Variants in MINDY4B observed in about 807,000 individuals in gnomAD.
The protein encoded by MINDY4B is MINDY family member 4B.
MINDY4B carries 25 observed loss-of-function variants against 16.7 expected under a neutral mutation model. The observed-to-expected ratio is 1.49, with a 90% CI of 1.09 to 2.09. The LOEUF is 2.09. MINDY4B is among the 30% of genes most tolerant of loss of function. The probability of loss-of-function intolerance (pLI) is 0.00; values close to 1 mark genes in which losing one functional copy is unlikely to be tolerated. For synonymous variants in MINDY4B, 132 were observed against 61.9 expected, an observed-to-expected ratio of 2.13 and a Z score of -5.32; for missense variants, 327 against 168.4, an observed-to-expected ratio of 1.94 and a Z score of -5.21.
At chr3:150,887,924 T>C (rs1233598054) in intron 7 of MINDY4B, among the ~76,000 whole-genome samples, 15 of 152,004 alleles carry the variant, frequency 9.9e-5, no homozygotes, top group African/African-American at 3.1e-4. Flanking sequence ...CTGGCTGACA[T>C]GGTGAAACCC....
At chr3:150,871,824 G>A (rs536459064) in intron 11 of MINDY4B, among the ~76,000 whole-genome samples, 52 of 152,224 alleles carry the variant, frequency 3.4e-4, no homozygotes, top group Admixed American at 1.6e-3. Context: ...CAGCCTGGGC[G>A]ACAGAGTGAG....
chr3:150,901,055 A>G (rs1712103182), intron 3 of MINDY4B: 2 of 152,258 alleles, frequency 1.3e-5, no homozygotes, highest in East Asian at 1.9e-4. Context: ...ACAGGCAAGT[A>G]TCAATATAGA....
rs115479650 is a variant in MINDY4B, at chr3:150,897,186, C to T, written c.310-2881G>A. On this transcript the variant is annotated intron_variant, in intron 3 of 11. Coordinates refer to ENST00000465419, the MANE Select transcript of MINDY4B (RefSeq NM_001351281.2). ...CTCCAGCACAGACACACATCTCACA[C>T]TCTGGAACATGCCACACACCAGCCT... Among the ~76,000 whole-genome samples, 574 of 152,252 alleles carry T rather than the reference C, an allele frequency of 3.8e-3. 1 individual carries two copies. The highest frequency in any genetic ancestry group is 0.012 in the South Asian group (56 of 4,824).
At chr3:150,893,264 T>C in intron 5 of MINDY4B, 60 bp downstream of exon 5, 1 of 699,986 alleles carries the variant, frequency 1.4e-6, no homozygotes, top group Admixed American at 2.0e-5. Context: ...GTTATGATTA[T>C]TTAGCATATC....
chr3:150,880,998 T>G (rs1278393915), intron 10 of MINDY4B, among the ~76,000 whole-genome samples: 4 of 152,214 alleles, frequency 2.6e-5, no homozygotes, highest in Non-Finnish European at 5.9e-5. Flanking sequence ...AAAAAGTGAT[T>G]AGGAGCTTTA....
intron 3 of MINDY4B, among the ~76,000 whole-genome samples, chr3:150,902,470 A>G (rs1157201970): frequency 1.3e-5 from 2 of 152,338 alleles, no homozygotes; most frequent in African/African-American, 4.8e-5. Flanking sequence ...GGGGCATCTC[A>G]GCCTCTCTGG....
intron 3 of MINDY4B, among the ~76,000 whole-genome samples, chr3:150,896,287 T>C (rs1366395153): frequency 6.6e-6 from 1 of 152,024 alleles, no homozygotes; most frequent in African/African-American, 2.4e-5. Context: ...TATATCCTTT[T>C]TTGGATTTCC....
chr3:150,891,167 G>C, intron 5 of MINDY4B, 64 bp from the exon 6 acceptor site: 1 of 664,818 alleles, frequency 1.5e-6, no homozygotes, highest in Non-Finnish European at 2.8e-6. Context: ...ACAGAGATGG[G>C]AAGTAATTTG....
chr3:150,883,088 T>G (rs1711548293), intron 9 of MINDY4B, 30 bp from the exon 10 acceptor site: 1 of 641,180 alleles, frequency 1.6e-6, no homozygotes, highest in African/African-American at 1.8e-5. Context: ...GATACTTATA[T>G]TTTAGATAGC....
intron 10 of MINDY4B, among the ~76,000 whole-genome samples, chr3:150,875,154 T>C (rs895668976): frequency 1.3e-5 from 2 of 152,240 alleles, no homozygotes; most frequent in African/African-American, 4.8e-5. Context: ...AGATGTACCA[T>C]TGAAGCAGTA....
At chr3:150,892,369 C>T (rs1362717933) in intron 5 of MINDY4B, among the ~76,000 whole-genome samples, 7 of 152,192 alleles carry the variant, frequency 4.6e-5, no homozygotes, top group Non-Finnish European at 8.8e-5. Context: ...GAGGGCACTC[C>T]CTTAATAAAT....
rs150832268 is a variant in MINDY4B at position 150,905,173 on chromosome 3, C to T, written c.114-84G>A. 2,378 of 398,374 alleles carry T rather than the reference C, an allele frequency of 6.0e-3. 38 individuals carry two copies. The highest frequency in any genetic ancestry group is 0.041 in the African/African-American group (2,002 of 48,730). 24.7% of individuals were successfully genotyped at this position (398,374 alleles called of 1,614,324 possible). A position where few individuals can be genotyped will look rare whatever the true frequency, so the allele number is the denominator to read the frequency against. Reference sequence around the variant, plus strand: ...ACAAACCTCCCAAACCCCAACCTTGCTAGGGAAGTCTCTGTCCACGAATAG... The same window carrying T: ...ACAAACCTCCCAAACCCCAACCTTGTTAGGGAAGTCTCTGTCCACGAATAG... On this transcript the variant is annotated intron_variant, in intron 1 of 11. Coordinates refer to ENST00000465419, the MANE Select transcript of MINDY4B (RefSeq NM_001351281.2).
intron 10 of MINDY4B, among the ~76,000 whole-genome samples, chr3:150,875,995 T>C (rs745791245): frequency 7.9e-5 from 12 of 152,220 alleles, no homozygotes; most frequent in Non-Finnish European, 1.6e-4. Context: ...ATAAAAACAG[T>C]TTACCAGCTA....
At chr3:150,891,306 G>C (rs143633963) in intron 5 of MINDY4B, among the ~76,000 whole-genome samples, 4 of 152,344 alleles carry the variant, frequency 2.6e-5, no homozygotes, top group African/African-American at 9.6e-5. Context: ...TTCCCAAGAA[G>C]TGGGAGCCAG....
chr3:150,891,324 A>G (rs937007554), intron 5 of MINDY4B, among the ~76,000 whole-genome samples: 1 of 152,250 alleles, frequency 6.6e-6, no homozygotes, highest in Non-Finnish European at 1.5e-5. Context: ...CAGTCTTTAC[A>G]CAGTGGGAGA....
At chr3:150,885,539 TC>T (rs1711601034) in intron 7 of MINDY4B, 101 bp from the exon 8 acceptor site, 4 of 666,508 alleles carry the variant, frequency 6.0e-6, no homozygotes, top group South Asian at 1.6e-5. Context: ...GAGAATTTTT[TC>T]CCCCTGGCTG....
intron 7 of MINDY4B, 89 bp downstream of exon 7, chr3:150,890,231 G>A (rs1291908147): frequency 4.9e-6 from 2 of 410,014 alleles, no homozygotes; most frequent in African/African-American, 2.1e-5. Flanking sequence ...TTCTTAACAG[G>A]CATCATTAGA....
intron 10 of MINDY4B, among the ~76,000 whole-genome samples, chr3:150,878,086 A>G (rs1157947475): frequency 6.6e-6 from 1 of 152,166 alleles, no homozygotes; most frequent in Non-Finnish European, 1.5e-5. Flanking sequence ...CCTTGGGCTT[A>G]AAGTAATACT....
chr3:150,881,853 T>C (rs1174743722), intron 10 of MINDY4B, among the ~76,000 whole-genome samples: 1 of 152,182 alleles, frequency 6.6e-6, no homozygotes, highest in African/African-American at 2.4e-5. Flanking sequence ...CAGACACTAT[T>C]TTTTTGATGG....
Sources: gnomAD v4.1 joint callset for allele counts (sites outside exome capture counted in the v4.1 genomes callset) on GRCh38, gnomAD v4.1.1 for gene constraint, MANE v1.5 for transcripts, NCBI Gene and HGNC (gene_info 2026-07-23, HGNC 2026-07-21) for gene names.